PIK3R6: variants seen among roughly 807,000 people sequenced by gnomAD.
The protein encoded by PIK3R6 is phosphoinositide-3-kinase regulatory subunit 6.
In PIK3R6, 91 loss-of-function variants were observed where a neutral mutation model predicts 84.9. That is an observed-to-expected ratio of 1.07 (90% CI 0.90 to 1.28). PIK3R6 has a LOEUF of 1.28. Ranked by LOEUF, PIK3R6 falls within the 50% of genes most tolerant of loss-of-function variation. The pLI is 0.00. For missense variants in PIK3R6, 996 were observed against 985.1 expected (o/e 1.01, Z -0.15); for synonymous variants, 416 against 411.4 (o/e 1.01, Z -0.13).
intron 18 of PIK3R6, 71 bp downstream of exon 18, chr17:8,819,012 C>T (rs965713612): frequency 8.3e-7 from 1 of 1,202,236 alleles, no homozygotes; most frequent in Non-Finnish European, 1.2e-6. Context: ...AATGCCCTCC[C>T]CTCTGGGCTC....
chr17:8,865,515 C>T (rs2089386291), intron 1 of PIK3R6, among the ~76,000 whole-genome samples: 1 of 152,214 alleles, frequency 6.6e-6, no homozygotes, highest in Admixed American at 6.5e-5. Context: ...CCTGGGTCAC[C>T]TGCCTCTGTT....
chr17:8,848,738 T>C (rs879653192), intron 2 of PIK3R6, among the ~76,000 whole-genome samples: 1 of 152,178 alleles, frequency 6.6e-6, no homozygotes, highest in Non-Finnish European at 1.5e-5. Context: ...AAACCCCAGC[T>C]GGTTACAGAT....
intron 1 of PIK3R6, among the ~76,000 whole-genome samples, chr17:8,857,240 T>G (rs1212567437): frequency 1.3e-5 from 2 of 152,230 alleles, no homozygotes; most frequent in Admixed American, 1.3e-4. Context: ...CACTGCAGCA[T>G]GTCCAGCATC....
At chr17:8,845,155 A>T (rs1597426551) in intron 2 of PIK3R6, among the ~76,000 whole-genome samples, 1 of 152,202 alleles carries the variant, frequency 6.6e-6, no homozygotes, top group Admixed American at 6.5e-5. Flanking sequence ...GGTCTTTTTG[A>T]TAGAATGATT....
intron 3 of PIK3R6, 106 bp from the exon 4 acceptor site, chr17:8,838,761 C>T: frequency 9.0e-7 from 1 of 1,105,866 alleles, no homozygotes; most frequent in Non-Finnish European, 1.3e-6. Flanking sequence ...CAGCTCTGAC[C>T]AGCCACGGGT....
chr17:8,864,529 CTT>C (rs35714531), intron 1 of PIK3R6, among the ~76,000 whole-genome samples: 1,554 of 65,392 alleles, frequency 0.024, 24 homozygotes, highest in African/African-American at 0.1. Flanking sequence ...CTTCACAGCT[CTT>C]TTTTTTTTTT....
Position 8,844,877 on chromosome 17 carries a change from T to C in PIK3R6, c.13+4905A>G, listed in dbSNP as rs191700936. 1.3e-3 allele frequency among the ~76,000 whole-genome samples: 204 copies of C among 152,262 alleles called. No homozygotes were observed. The highest frequency in any genetic ancestry group is 2.7e-3 in the Non-Finnish European group (181 of 68,026). On this transcript the variant is annotated intron_variant, in intron 2 of 19. Transcript: ENST00000619866. This position sits in a 1 kb window ranked among gnomAD's most constrained non-coding sequence, Gnocchi z 4.5. ...TCTATTGTTGCCATCTTTGTGTCCA[T>C]GAGTACCCAAAGTTTAGCTCCCACC...
At chr17:8,821,073 C>T (rs1323148231) in intron 17 of PIK3R6, among the ~76,000 whole-genome samples, 1 of 152,204 alleles carries the variant, frequency 6.6e-6, no homozygotes, top group East Asian at 1.9e-4. Context: ...AGATGGTGAA[C>T]AAGATATAAT....
rs1253708113 is a variant in PIK3R6 at position 8,829,575 on chromosome 17, C to G, written c.889+131G>C. 6 of 968,160 alleles carry G rather than the reference C, an allele frequency of 6.2e-6. No individual in the cohort carries two copies. In the East Asian group the frequency reaches 8.1e-5, roughly 13 times the overall value. The allele number at this position is 968,160 out of a possible 1,614,324, so 60.0% of individuals were successfully genotyped here. A position where few individuals can be genotyped will look rare whatever the true frequency, so the allele number is the denominator to read the frequency against. On this transcript the variant is annotated intron_variant, in intron 10 of 19. Transcript: ENST00000619866. ...ACACACTCATGCACACATACACACA[C>G]AGACACACTGACACACACTCATGCA...
intron 18 of PIK3R6, among the ~76,000 whole-genome samples, chr17:8,806,761 C>G (rs1456792213): frequency 1.3e-5 from 2 of 152,148 alleles, no homozygotes; most frequent in Non-Finnish European, 2.9e-5. Context: ...TCCAATCCAG[C>G]TAAGGTCATA....
chr17:8,858,927 C>A (rs1043892637), intron 1 of PIK3R6, among the ~76,000 whole-genome samples: 1 of 152,182 alleles, frequency 6.6e-6, no homozygotes, highest in Non-Finnish European at 1.5e-5. Context: ...CAGAGGGGTG[C>A]CTCTTTCTGA....
rs2088708860 is a variant in PIK3R6 at position 8,842,489 on chromosome 17, C to T, written c.14-2792G>A. ...GTCTGACAGCTGCTCTCCCAGGTCC[C>T]TCTCCATTTCTGTCACACAAGTGTT... On this transcript the variant is annotated intron_variant, in intron 2 of 19. Transcript: ENST00000619866. The surrounding 1 kb of genome is among the most constrained non-coding windows in gnomAD (Gnocchi z 4.5). Among the ~76,000 whole-genome samples, 1 of 152,152 alleles carries T rather than the reference C, an allele frequency of 6.6e-6. No individual in the cohort carries two copies. Among genetic ancestry groups the T allele is most frequent in the Non-Finnish European group, 1.5e-5 (1 of 68,020 alleles).
At chr17:8,852,171 T>A (rs2088986590) in intron 1 of PIK3R6, among the ~76,000 whole-genome samples, 1 of 152,112 alleles carries the variant, frequency 6.6e-6, no homozygotes, top group Admixed American at 6.5e-5. Context: ...GAGTCTCTGT[T>A]TGGAATGATG....
At chr17:8,847,611 G>A (rs761707187) in intron 2 of PIK3R6, among the ~76,000 whole-genome samples, 1 of 151,926 alleles carries the variant, frequency 6.6e-6, no homozygotes, top group Non-Finnish European at 1.5e-5. Flanking sequence ...GACCAGCCTG[G>A]GCAACACGGT....
rs112750429 is a variant in PIK3R6, at chr17:8,814,215, C to CTTT, written c.1995+4865_1995+4867dup. ...TCCACTCTTTAGTTCAGAGAGAGAT[C>CTTT]TTTTTTTTTTTTTTTTTTTTTTGAG... On this transcript the variant is annotated intron_variant, in intron 18 of 19. Coordinates refer to ENST00000619866, the MANE Select transcript of PIK3R6 (RefSeq NM_001010855.4). Among the ~76,000 whole-genome samples, 21 of 85,536 alleles carry CTTT rather than the reference C, an allele frequency of 2.5e-4. 2 individuals carry two copies. Among genetic ancestry groups the CTTT allele is most frequent in the South Asian group, 1.1e-3 (2 of 1,776 alleles). 56.1% of individuals were successfully genotyped at this position (85,536 alleles called of 152,430 possible).
intron 1 of PIK3R6, among the ~76,000 whole-genome samples, chr17:8,863,645 C>CT (rs2089333543): frequency 6.6e-6 from 1 of 152,142 alleles, no homozygotes; most frequent in African/African-American, 2.4e-5. Context: ...AGCGACTCTC[C>CT]TGCCTCAGCC....
In PIK3R6 at chr17:8,839,590, C is replaced by T; in HGVS notation, c.97+24G>A. 1 of 1,546,670 alleles carries T rather than the reference C, an allele frequency of 6.5e-7. No homozygotes were observed. Among genetic ancestry groups the T allele is most frequent in the Non-Finnish European group, 8.8e-7 (1 of 1,142,504 alleles). On this transcript the variant is annotated intron_variant, in intron 3 of 19. Transcript: ENST00000619866. This position sits in a 1 kb window ranked among gnomAD's most constrained non-coding sequence, Gnocchi z 4.2. ...GTTGGGTGGAGGTCAGAGGGACCAG[C>T]TGCTGCTGCCAGCTGGCTCTTACCT...
chr17:8,828,740 G>A lies in PIK3R6; in HGVS notation c.1140C>T (p.Asp380=), dbSNP rs1226936456. The change falls in exon 11 of 20, where the codon GAC becomes GAT. Residue 380 remains aspartate (D), a synonymous_variant. Coordinates refer to ENST00000619866, the MANE Select transcript of PIK3R6 (RefSeq NM_001010855.4). Reference sequence around the variant, plus strand: ...CGTCCCAGCTGCCAGGCATCAAGAAGTCCAGGGGCCATGCACGCTTCTTGA... The same window carrying A: ...CGTCCCAGCTGCCAGGCATCAAGAAATCCAGGGGCCATGCACGCTTCTTGA... ...GGIKKRAWPL[D]FLMPGSWDGP... is the part of the protein sequence containing the mutation. The A allele has an allele frequency of 6.2e-7, 1 of 1,607,796 alleles. No individual in the cohort carries two copies. Among genetic ancestry groups the A allele is most frequent in the Non-Finnish European group, 8.5e-7 (1 of 1,176,860 alleles).
At chr17:8,852,668 G>A (rs994078211) in intron 1 of PIK3R6, among the ~76,000 whole-genome samples, 3 of 151,734 alleles carry the variant, frequency 2.0e-5, no homozygotes, top group African/African-American at 7.3e-5. Context: ...GAACCTGGGA[G>A]GTGGAGGTTG....
Sources: gnomAD v4.1 joint callset for allele counts (sites outside exome capture counted in the v4.1 genomes callset) on GRCh38, gnomAD v4.1.1 for gene constraint, Gnocchi (gnomAD v3.1) non-coding constraint, MANE v1.5 for transcripts, NCBI Gene and HGNC (gene_info 2026-07-23, HGNC 2026-07-21) for gene names.